Variants in ZNF131 observed in about 807,000 individuals in gnomAD.
ZNF131 encodes zinc finger protein 131.
ZNF131 carries 7 observed loss-of-function variants against 60.0 expected under a neutral mutation model. The ratio of observed to expected loss-of-function variants is 0.12; its 90% CI spans 0.07 to 0.22. The LOEUF is 0.22. ZNF131 is among the 10% of genes least tolerant of loss of function. The pLI is 1.00. For missense variants in ZNF131, 493 were observed against 740.9 expected (o/e 0.67, Z 3.88); for synonymous variants, 257 against 253.2 (o/e 1.01, Z -0.14).
In ZNF131 at chr5:43,175,017, G is replaced by A. The variant is rs1751428142; in HGVS notation, c.1756G>A (p.Glu586Lys). 6.2e-7 allele frequency: 1 copy of A among 1,613,996 alleles called. No individual in the cohort carries two copies. The highest frequency in any genetic ancestry group is 1.3e-5 in the African/African-American group (1 of 74,904). Residue 586 changes from glutamate (E) to lysine (K), a missense_variant, in exon 7 of 7, where the codon GAG (glutamate) becomes AAG (lysine). Coordinates refer to ENST00000682664, the MANE Select transcript of ZNF131 (RefSeq NM_001330707.2). ...AGAGTCTAGCCAAGCAGATGCTGCT[G>A]AGGCTGCCAGGGAAGATCACGAAGA... is the stretch of plus-strand genomic sequence containing the variant. ...ERESSQADAA[E>K]AAREDHEDAE...
At chr5:43,142,466 G>T (rs918991544) in intron 4 of ZNF131, among the ~76,000 whole-genome samples, 15 of 151,040 alleles carry the variant, frequency 9.9e-5, no homozygotes, top group Non-Finnish European at 2.1e-4. Context: ...ACCACACCCG[G>T]CTAATTTTTT....
rs1336176929 is a variant in ZNF131 at position 43,175,954 on chromosome 5, C to G, written c.*821C>G. The G allele has an allele frequency of 6.6e-6, 1 of 152,206 alleles. No individual in the cohort carries two copies. The highest frequency in any genetic ancestry group is 6.6e-5 in the Admixed American group (1 of 15,258). 9.4% of individuals were successfully genotyped at this position (152,206 alleles called of 1,614,324 possible). On this transcript the variant is annotated 3_prime_UTR_variant, in exon 7 of 7. Transcript: ENST00000682664. ...TTCAATTGGGAAAATTTATTTACAT[C>G]TGTGGTAAACTTTATTTTGATGAAA...
chr5:43,132,037 G>A (rs541140360), intron 3 of ZNF131, among the ~76,000 whole-genome samples: 2 of 152,174 alleles, frequency 1.3e-5, no homozygotes, highest in Non-Finnish European at 2.9e-5. Context: ...TGCTTGTAAA[G>A]TATTTAGAGC....
chr5:43,164,049 G>T (rs1579884349), intron 5 of ZNF131, among the ~76,000 whole-genome samples: 1 of 152,308 alleles, frequency 6.6e-6, no homozygotes, highest in Middle Eastern at 3.4e-3. Flanking sequence ...AAGGTACTTA[G>T]TTTGGATAAC....
chr5:43,122,016 A>G (rs372795836), intron 1 of ZNF131, 23 bp from the exon 2 acceptor site: 127 of 1,610,724 alleles, frequency 7.9e-5, no homozygotes, highest in Non-Finnish European at 1.1e-4. Flanking sequence ...ATGGGTGTAC[A>G]TTATCATGCT....
intron 5 of ZNF131, among the ~76,000 whole-genome samples, chr5:43,164,953 CCTCT>C (rs1561442489): frequency 6.6e-6 from 1 of 152,004 alleles, no homozygotes; most frequent in African/African-American, 2.4e-5. Context: ...TCTCTCCTCT[CCTCT>C]CTCTCTCCTT....
intron 3 of ZNF131, among the ~76,000 whole-genome samples, chr5:43,127,674 A>C (rs1480298511): frequency 6.6e-6 from 1 of 152,232 alleles, no homozygotes; most frequent in Non-Finnish European, 1.5e-5. Context: ...TCCTGGTTAA[A>C]GTAAGTTACC....
At position 43,123,353 on chromosome 5, in the gene ZNF131, G is replaced by T. The variant is rs377650595; in HGVS notation, c.226+43G>T. 34 of 1,516,994 alleles carry T rather than the reference G, an allele frequency of 2.2e-5. No homozygotes were observed. The African/African-American group carries it at 4.6e-4, about 21-fold the overall frequency. The allele number at this position is 1,516,994 out of a possible 1,614,324, so 94.0% of individuals were successfully genotyped here. A position where few individuals can be genotyped will look rare whatever the true frequency, so the allele number is the denominator to read the frequency against. The stretch of plus-strand genomic sequence containing the variant: ...TTTTTTTATTTAATAAATCAAAGAA[G>T]CCATTTTATTTAAATGCTTGTTTTA... On this transcript the variant is annotated intron_variant, in intron 3 of 6. Coordinates refer to ENST00000682664, the MANE Select transcript of ZNF131 (RefSeq NM_001330707.2).
At chr5:43,125,679 G>T (rs575465058) in intron 3 of ZNF131, among the ~76,000 whole-genome samples, 52 of 152,030 alleles carry the variant, frequency 3.4e-4, no homozygotes, top group African/African-American at 1.2e-3. Flanking sequence ...ACTCAGGAAG[G>T]CCGAGGCAGG....
chr5:43,132,657 C>T (rs916254459), intron 3 of ZNF131, among the ~76,000 whole-genome samples: 1 of 151,832 alleles, frequency 6.6e-6, no homozygotes, highest in Admixed American at 6.6e-5. Flanking sequence ...ATTACAGGCG[C>T]GCGTAACCAC....
intron 3 of ZNF131, among the ~76,000 whole-genome samples, chr5:43,130,299 A>G (rs1271210857): frequency 6.7e-6 from 1 of 150,144 alleles, no homozygotes; most frequent in African/African-American, 2.4e-5. Flanking sequence ...AGTAGAGGCA[A>G]TGTAGCTGAG....
intron 3 of ZNF131, among the ~76,000 whole-genome samples, chr5:43,131,991 A>C (rs761300708): frequency 6.7e-6 from 1 of 150,214 alleles, no homozygotes; most frequent in Non-Finnish European, 1.5e-5. Context: ...GGTTGTTATC[A>C]CTTCATAGAG....
intron 4 of ZNF131, among the ~76,000 whole-genome samples, chr5:43,148,760 A>G (rs1747930326): frequency 6.6e-6 from 1 of 152,252 alleles, no homozygotes; most frequent in Non-Finnish European, 1.5e-5. Flanking sequence ...AATAAGGTAT[A>G]ATATAAGCTG....
chr5:43,122,483 G>A (rs1743992520), intron 2 of ZNF131, among the ~76,000 whole-genome samples: 2 of 152,172 alleles, frequency 1.3e-5, no homozygotes, highest in Non-Finnish European at 2.9e-5. Flanking sequence ...AAAATGTTTG[G>A]TTGATAGCCT....
chr5:43,138,158 T>A (rs763743879), intron 3 of ZNF131, among the ~76,000 whole-genome samples: 2 of 152,208 alleles, frequency 1.3e-5, no homozygotes, highest in African/African-American at 4.8e-5. Context: ...AAACTGGAGG[T>A]CTGTACAACA....
intron 1 of ZNF131, chr5:43,121,801 C>A: frequency 3.1e-6 from 1 of 324,924 alleles, no homozygotes; most frequent in Non-Finnish European, 5.7e-6. Flanking sequence ...CCACCCCGCT[C>A]TAGCTCGCGT....
At chr5:43,127,393 A>G (rs1744688590) in intron 3 of ZNF131, among the ~76,000 whole-genome samples, 1 of 152,226 alleles carries the variant, frequency 6.6e-6, no homozygotes, top group South Asian at 2.1e-4. Flanking sequence ...GGACCACTAC[A>G]TGGGGATCAT....
rs528023656 is a variant in ZNF131 at position 43,136,056 on chromosome 5, G to A, written c.227-3109G>A. Among the ~76,000 whole-genome samples the A allele has an allele frequency of 3.3e-5, 5 of 152,254 alleles. No homozygotes were observed. In the South Asian group the frequency reaches 6.2e-4, roughly 19 times the overall value. On this transcript the variant is annotated intron_variant, in intron 3 of 6. Transcript: ENST00000682664. The stretch of plus-strand genomic sequence containing the variant: ...CTTGAACCCGGGAGGTGGTGGTTGC[G>A]GTGAGCCGAGCCTCTGTACTCCAGC...
intron 5 of ZNF131, among the ~76,000 whole-genome samples, chr5:43,165,815 A>C (rs948654326): frequency 2.0e-5 from 3 of 152,226 alleles, no homozygotes; most frequent in Non-Finnish European, 4.4e-5. Flanking sequence ...CTCCCTAACT[A>C]TGAAAGTCCT....
Sources: allele counts gnomAD v4.1 joint callset (sites outside exome capture counted in the v4.1 genomes callset), GRCh38; gene constraint gnomAD v4.1.1; transcripts MANE v1.5; gene names NCBI Gene and HGNC (gene_info 2026-07-23, HGNC 2026-07-21).